The following TNFRSF10A variants were observed in gnomAD, a reference collection of about 807,000 sequenced individuals.
The protein encoded by TNFRSF10A is TNF receptor superfamily member 10a.
In TNFRSF10A, 44 loss-of-function variants were observed where a neutral mutation model predicts 42.8. The observed-to-expected ratio is 1.03, with a 90% CI of 0.81 to 1.32. The LOEUF is 1.32. Ranked by LOEUF, TNFRSF10A falls within the 40% of genes most tolerant of loss-of-function variation. TNFRSF10A has a pLI of 0.00. For synonymous variants in TNFRSF10A, 259 were observed against 234.2 expected (o/e 1.11, Z -0.97); for missense variants, 680 against 602.0 (o/e 1.13, Z -1.36).
chr8:23,198,017 T>G (rs996441991), intron 8 of TNFRSF10A, among the ~76,000 whole-genome samples: 1 of 152,150 alleles, frequency 6.6e-6, no homozygotes, highest in African/African-American at 2.4e-5. Flanking sequence ...AATGTTTGCC[T>G]TCTTTTTTTT....
chr8:23,197,866 A>C (rs992291278), intron 8 of TNFRSF10A, among the ~76,000 whole-genome samples: 5 of 152,238 alleles, frequency 3.3e-5, no homozygotes, highest in African/African-American at 1.2e-4. Context: ...TTGAGGAAAA[A>C]GACCCAGGGC....
intron 2 of TNFRSF10A, chr8:23,207,079 T>C: frequency 1.9e-6 from 1 of 519,220 alleles, no homozygotes; most frequent in Non-Finnish European, 3.6e-6. Flanking sequence ...ACTGAGACTC[T>C]GGAGAGCACC....
At chr8:23,217,755 C>T (rs1257442386) in intron 1 of TNFRSF10A, among the ~76,000 whole-genome samples, 2 of 152,096 alleles carry the variant, frequency 1.3e-5, no homozygotes, top group Admixed American at 6.5e-5. Flanking sequence ...GGCATGTCGG[C>T]GCCTGGTAGA....
chr8:23,193,427 C>T (rs961486307), intron 9 of TNFRSF10A, among the ~76,000 whole-genome samples: 1 of 152,182 alleles, frequency 6.6e-6, no homozygotes, highest in Admixed American at 6.5e-5. Context: ...GGTGATTGTC[C>T]TTTGTGGGCC....
chr8:23,200,193 G>A (rs1054723829), intron 6 of TNFRSF10A, among the ~76,000 whole-genome samples: 4 of 152,206 alleles, frequency 2.6e-5, no homozygotes, highest in Admixed American at 6.5e-5. Context: ...ACCACTTCTC[G>A]TCTCGACTCT....
chr8:23,204,116 A>G (rs1800973728), intron 2 of TNFRSF10A, among the ~76,000 whole-genome samples: 1 of 152,022 alleles, frequency 6.6e-6, no homozygotes, highest in East Asian at 1.9e-4. Flanking sequence ...TGATGATGAC[A>G]CTATCGATGA....
rs1800948095 is a variant in TNFRSF10A, at chr8:23,202,633, C to T, written c.517+15G>A. 6.2e-7 allele frequency: 1 copy of T among 1,604,710 alleles called. No homozygotes were observed. Among genetic ancestry groups the T allele is most frequent in the South Asian group, 1.1e-5 (1 of 90,852 alleles). ...CTCACTCCACCTCTGGACAAGAGGTCCACACATTCTGTACCTGATTTACAA... is the reference window on the plus strand; with the variant it reads ...CTCACTCCACCTCTGGACAAGAGGTTCACACATTCTGTACCTGATTTACAA... On this transcript the variant is annotated intron_variant, in intron 3 of 9. Coordinates refer to ENST00000221132, the MANE Select transcript of TNFRSF10A (RefSeq NM_003844.4).
chr8:23,207,025 A>G, intron 2 of TNFRSF10A: 3 of 421,238 alleles, frequency 7.1e-6, no homozygotes, highest in Non-Finnish European at 1.3e-5. Flanking sequence ...CTGCCATGAA[A>G]AAAAGAATAT....
chr8:23,203,857 A>G (rs1585282632), intron 2 of TNFRSF10A, among the ~76,000 whole-genome samples: 1 of 151,178 alleles, frequency 6.6e-6, no homozygotes, highest in Admixed American at 6.6e-5. Context: ...GCTCACTGTA[A>G]CCTCCGCCTC....
chr8:23,220,058 G>C (rs927529623), intron 1 of TNFRSF10A, among the ~76,000 whole-genome samples: 1 of 152,154 alleles, frequency 6.6e-6, no homozygotes, highest in Non-Finnish European at 1.5e-5. Flanking sequence ...CCACAGGCGA[G>C]TGTCTGAGGT....
rs751536683 is a variant in TNFRSF10A at position 23,199,300 on chromosome 8, G to A, written c.980C>T (p.Thr327Ile). 6 of 1,614,218 alleles carry A rather than the reference G, an allele frequency of 3.7e-6. No homozygotes were observed. The Admixed American group carries it at 6.7e-5, about 18-fold the overall frequency. ...SQEPADLTGV[T>I]VQSPGEAQCL... Reference sequence around the variant, plus strand: ...CTGTGCCTCCCCTGGGGACTGTACAGTGACACCTGTCAAATCTGCCGGCTC... The same window carrying A: ...CTGTGCCTCCCCTGGGGACTGTACAATGACACCTGTCAAATCTGCCGGCTC... The change falls in exon 8 of 10, where the codon ACT (threonine) becomes ATT (isoleucine). Residue 327 changes from threonine (T) to isoleucine (I), a missense_variant. Physicochemically the swap from Thr to Ile is moderately conservative, Grantham distance 89 (BLOSUM62 -1). Coordinates refer to ENST00000221132, the MANE Select transcript of TNFRSF10A (RefSeq NM_003844.4).
chr8:23,222,092 T>A (rs1801264951), intron 1 of TNFRSF10A, among the ~76,000 whole-genome samples: 2 of 152,140 alleles, frequency 1.3e-5, no homozygotes, highest in African/African-American at 2.4e-5. Context: ...TTAGCCAGGA[T>A]GGTCTGGATC....
intron 6 of TNFRSF10A, among the ~76,000 whole-genome samples, 172 bp from the exon 7 acceptor site, chr8:23,200,089 G>A (rs1331096488): frequency 2.6e-5 from 4 of 152,168 alleles, no homozygotes; most frequent in Admixed American, 1.3e-4. Context: ...CAGGAGCGGG[G>A]AGCATAAAGG....
intron 2 of TNFRSF10A, among the ~76,000 whole-genome samples, chr8:23,204,183 T>C (rs909974318): frequency 2.6e-5 from 4 of 152,088 alleles, no homozygotes; most frequent in Non-Finnish European, 5.9e-5. Flanking sequence ...TGCTGAAAAA[T>C]AATAAAGCTT....
intron 2 of TNFRSF10A, among the ~76,000 whole-genome samples, chr8:23,204,932 G>A (rs1800983985): frequency 6.6e-6 from 1 of 151,996 alleles, no homozygotes; most frequent in Non-Finnish European, 1.5e-5. Context: ...GTCTATTAAG[G>A]AAGAAGAAAT....
chr8:23,201,698 A>T (rs567286354), intron 4 of TNFRSF10A, 110 bp downstream of exon 4: 16 of 996,982 alleles, frequency 1.6e-5, no homozygotes, highest in Non-Finnish European at 2.3e-5. Flanking sequence ...TGGAGGCACC[A>T]TGGGGTCAGG....
intron 5 of TNFRSF10A, 43 bp downstream of exon 5, chr8:23,200,644 C>T (rs1016500528): frequency 6.2e-7 from 1 of 1,613,988 alleles, no homozygotes; most frequent in African/African-American, 1.3e-5. Context: ...GCTGCTGGTC[C>T]CTGTCTCCTC....
chr8:23,207,245 C>T (rs1055732223), intron 2 of TNFRSF10A: 7 of 596,148 alleles, frequency 1.2e-5, no homozygotes, highest in Admixed American at 7.4e-5. Context: ...TGAAGAAGCT[C>T]TATGATGTTT....
chr8:23,217,078 T>C (rs974098891), intron 1 of TNFRSF10A, among the ~76,000 whole-genome samples: 3 of 152,238 alleles, frequency 2.0e-5, no homozygotes, highest in African/African-American at 2.4e-5. Flanking sequence ...TTTACTGTTT[T>C]CATCTGATCG....
Sources: allele counts gnomAD v4.1 joint callset (sites outside exome capture counted in the v4.1 genomes callset), GRCh38; gene constraint gnomAD v4.1.1; transcripts MANE v1.5; gene names NCBI Gene and HGNC (gene_info 2026-07-23, HGNC 2026-07-21).